DYNC2LI1: variants seen among roughly 807,000 people sequenced by gnomAD.
The protein encoded by DYNC2LI1 is dynein cytoplasmic 2 light intermediate chain 1, also known as cytoplasmic dynein 2 light intermediate chain 1.
In DYNC2LI1, 45 loss-of-function variants were observed where a neutral mutation model predicts 51.9. The ratio of observed to expected loss-of-function variants is 0.87; its 90% CI spans 0.68 to 1.11. The LOEUF (loss-of-function observed/expected upper bound fraction) is 1.11. DYNC2LI1 is among the 50% of genes most tolerant of loss of function. The pLI is 0.00. For missense variants in DYNC2LI1, 490 were observed against 417.4 expected, an observed-to-expected ratio of 1.17 and a Z score of -1.51; for synonymous variants, 130 against 137.8, an observed-to-expected ratio of 0.94 and a Z score of 0.40.
At chr2:43,776,134 CATTA>C (rs914413925) in intron 1 of DYNC2LI1, among the ~76,000 whole-genome samples, 1 of 151,728 alleles carries the variant, frequency 6.6e-6, no homozygotes, top group African/African-American at 2.4e-5. Flanking sequence ...TTGCTGCACC[CATTA>C]ATTCATCATT....
chr2:43,800,020 ACG>A (rs1666023370), intron 8 of DYNC2LI1, among the ~76,000 whole-genome samples: 1 of 152,194 alleles, frequency 6.6e-6, no homozygotes, highest in Non-Finnish European at 1.5e-5. Flanking sequence ...TGGAACCATA[ACG>A]CTGATACCTT....
chr2:43,787,313 G>C (rs1471889711), intron 4 of DYNC2LI1, 63 bp downstream of exon 4: 21 of 1,361,826 alleles, frequency 1.5e-5, no homozygotes, highest in Middle Eastern at 1.8e-4. Flanking sequence ...TGCTGACTTT[G>C]TTTTACATTT....
the DYNC2LI1 span, chr2:43,824,886 T>C: frequency 1.2e-6 from 2 of 1,613,890 alleles, no homozygotes; most frequent in Non-Finnish European, 1.7e-6. Context: ...AAGAAAAACT[T>C]ACTATAGAAG....
At chr2:43,826,805 A>T in the DYNC2LI1 span, among the ~76,000 whole-genome samples, 1 of 152,172 alleles carries the variant, frequency 6.6e-6, no homozygotes, top group Non-Finnish European at 1.5e-5. Context: ...TGCTCAGGGC[A>T]CCCTGTCAGG....
At chr2:43,812,537 A>C (rs1334584829), downstream of DYNC2LI1, 1 of 154,136 alleles carries the variant, frequency 6.5e-6, no homozygotes, top group African/African-American at 2.4e-5. Context: ...GGTGCTCTGT[A>C]GCAGTGGTGC....
At chr2:43,817,049 T>C in the DYNC2LI1 span, among the ~76,000 whole-genome samples, 3 of 152,204 alleles carry the variant, frequency 2.0e-5, no homozygotes, top group Non-Finnish European at 4.4e-5. Flanking sequence ...GTAAATGGAA[T>C]GACTAGCAGG....
chr2:43,799,435 T>C (rs1666001459), intron 8 of DYNC2LI1, among the ~76,000 whole-genome samples: 1 of 152,344 alleles, frequency 6.6e-6, no homozygotes, highest in East Asian at 1.9e-4. Context: ...GAATATCACC[T>C]AAAATGTGAT....
At chr2:43,823,839 T>C in the DYNC2LI1 span, 13 of 1,539,552 alleles carry the variant, frequency 8.4e-6, no homozygotes, top group Non-Finnish European at 1.2e-5. Context: ...AATGGTAGAC[T>C]TTTGTAAGGT....
At chr2:43,792,016 A>C (rs1210892646) in intron 5 of DYNC2LI1, among the ~76,000 whole-genome samples, 1 of 152,158 alleles carries the variant, frequency 6.6e-6, no homozygotes, top group African/African-American at 2.4e-5. Context: ...CATTTGAAAA[A>C]ATAATAAATT....
intron 8 of DYNC2LI1, among the ~76,000 whole-genome samples, chr2:43,800,335 A>C (rs1245171233): frequency 6.6e-6 from 1 of 152,196 alleles, no homozygotes; most frequent in Non-Finnish European, 1.5e-5. Context: ...TTAAAAAATT[A>C]CCTTAGTGAG....
intron 10 of DYNC2LI1, among the ~76,000 whole-genome samples, chr2:43,803,505 GAGGGC>G (rs1247599443): frequency 6.6e-6 from 1 of 152,194 alleles, no homozygotes. Flanking sequence ...GTGGTGGTCA[GAGGGC>G]AGGGATAGAA....
At chr2:43,817,416 C>T in the DYNC2LI1 span, among the ~76,000 whole-genome samples, 7 of 152,014 alleles carry the variant, frequency 4.6e-5, no homozygotes, top group Non-Finnish European at 8.8e-5. Context: ...ACCTGAGAGA[C>T]GGAGGTTGCA....
chr2:43,784,408 A>G (rs1490189934), intron 3 of DYNC2LI1, among the ~76,000 whole-genome samples: 1 of 152,110 alleles, frequency 6.6e-6, no homozygotes, highest in Non-Finnish European at 1.5e-5. Flanking sequence ...ACTACAAAAT[A>G]GTACATTGAG....
chr2:43,809,129 C>T (rs1300546319), intron 12 of DYNC2LI1, among the ~76,000 whole-genome samples: 1 of 152,060 alleles, frequency 6.6e-6, no homozygotes, highest in Non-Finnish European at 1.5e-5. Context: ...GCTGGGACCA[C>T]AGCGCACACC....
intron 2 of DYNC2LI1, among the ~76,000 whole-genome samples, chr2:43,783,181 A>G (rs533560719): frequency 6.6e-6 from 1 of 152,350 alleles, no homozygotes; most frequent in Non-Finnish European, 1.5e-5. Context: ...GACACTAAGC[A>G]TCGGCTTAAC....
intron 12 of DYNC2LI1, among the ~76,000 whole-genome samples, chr2:43,809,352 A>G (rs4952682): frequency 0.23 from 34,724 of 152,094 alleles, 4,336 homozygotes; most frequent in African/African-American, 0.31. Flanking sequence ...AGAGCTGAAC[A>G]GCAAACAATT....
chr2:43,823,029 G>T, the DYNC2LI1 span: 5 of 1,538,630 alleles, frequency 3.2e-6, no homozygotes, highest in Admixed American at 9.6e-5. Flanking sequence ...TGTCAGGGCT[G>T]GATGGTGAGG....
At chr2:43,781,266 G>A (rs1673265849) in intron 2 of DYNC2LI1, among the ~76,000 whole-genome samples, 1 of 151,928 alleles carries the variant, frequency 6.6e-6, no homozygotes, top group South Asian at 2.1e-4. Context: ...CTACTCCGGA[G>A]GCTGAGGCCT....
chr2:43,809,671 A>G (rs962203977), intron 12 of DYNC2LI1, 34 bp from the exon 13 acceptor site: 2 of 1,538,184 alleles, frequency 1.3e-6, no homozygotes, highest in Admixed American at 1.8e-5. Flanking sequence ...AGTAAAGTTG[A>G]TTTTTCTTAA....
Sources: allele counts gnomAD v4.1 joint callset (sites outside exome capture counted in the v4.1 genomes callset), GRCh38; gene constraint gnomAD v4.1.1; transcripts MANE v1.5; gene names NCBI Gene and HGNC (gene_info 2026-07-23, HGNC 2026-07-21).